Variants in NSUN7 observed in about 807,000 individuals in gnomAD.
The protein encoded by NSUN7 is NOP2/Sun RNA methyltransferase family member 7, also known as protein NSUN7.
A neutral mutation model predicts 58.5 loss-of-function variants in NSUN7; 39 were observed. The ratio of observed to expected loss-of-function variants is 0.67; its 90% CI spans 0.52 to 0.87. NSUN7 has a LOEUF of 0.87. NSUN7 is among the 40% of genes least tolerant of loss of function. The pLI is 0.00. For synonymous variants in NSUN7, 278 were observed against 303.7 expected (o/e 0.92, Z 0.88); for missense variants, 765 against 844.1 (o/e 0.91, Z 1.16).
chr4:40,751,297 T>C (rs1179392122), intron 2 of NSUN7, among the ~76,000 whole-genome samples: 3 of 152,098 alleles, frequency 2.0e-5, no homozygotes, highest in South Asian at 2.1e-4. Context: ...TATTTTTTTT[T>C]CCCTCGTAGA....
chr4:40,790,721 G>T lies in NSUN7; in HGVS notation c.1156G>T (p.Glu386Ter). 6.3e-7 allele frequency: 1 copy of T among 1,580,852 alleles called. No individual in the cohort carries two copies. Among genetic ancestry groups the T allele is most frequent in the South Asian group, 1.2e-5 (1 of 82,238 alleles). Reference protein sequence around the residue: ...CSGLGVSNPVEFILNEHEDTE... With the variant: ...CSGLGVSNPV The stretch of plus-strand genomic sequence containing the variant: ...AGGACTGGGTGTTAGTAATCCAGTA[G>T]AATTTATTTTAAATGAACATGAAGG... The change falls in exon 8 of 12, where the codon GAA (glutamate) becomes TAA (stop). Residue 386 changes from glutamate to a stop codon, truncating the protein, a stop_gained. Transcript: ENST00000381782. LOFTEE classifies it high-confidence loss of function.
chr4:40,807,669 C>T lies in NSUN7; in HGVS notation c.1524+485C>T, dbSNP rs74289104. On this transcript the variant is annotated intron_variant, in intron 11 of 11. Transcript: ENST00000381782. Reference sequence around the variant, plus strand: ...CCAGCCCTGTTCTTTATACTTCCCCCGAGTGTTCCTCTTCTGCCTGGCTGC... The same window carrying T: ...CCAGCCCTGTTCTTTATACTTCCCCTGAGTGTTCCTCTTCTGCCTGGCTGC... 3.8e-3 allele frequency among the ~76,000 whole-genome samples: 578 copies of T among 152,152 alleles called. 4 individuals carry two copies. The highest frequency in any genetic ancestry group is 0.02 in the East Asian group (106 of 5,182).
chr4:40,759,711 C>A (rs1741354687), intron 2 of NSUN7, among the ~76,000 whole-genome samples: 2 of 152,174 alleles, frequency 1.3e-5, no homozygotes, highest in Admixed American at 6.5e-5. Flanking sequence ...AGACCAACAT[C>A]CCTCATGAAC....
At chr4:40,759,064 C>T (rs1741313185) in intron 2 of NSUN7, among the ~76,000 whole-genome samples, 1 of 152,128 alleles carries the variant, frequency 6.6e-6, no homozygotes, top group South Asian at 2.1e-4. Flanking sequence ...AATCCCAGCA[C>T]TTTGGGAGGC....
intron 7 of NSUN7, chr4:40,776,544 TAAG>T (rs773489312): frequency 4.4e-6 from 1 of 226,210 alleles, no homozygotes; most frequent in Non-Finnish European, 8.5e-6. Context: ...ATTTAATAAA[TAAG>T]AATGATTATC....
intron 10 of NSUN7, among the ~76,000 whole-genome samples, chr4:40,800,997 G>A (rs1743553614): frequency 6.8e-6 from 1 of 147,856 alleles, no homozygotes; most frequent in Non-Finnish European, 1.5e-5. Flanking sequence ...AATAAGGAAG[G>A]GAAAGGGAGG....
At position 40,757,247 on chromosome 4, in the gene NSUN7, T is replaced by C. The variant is rs2437328; in HGVS notation, c.299-3187T>C. On this transcript the variant is annotated intron_variant, in intron 2 of 11. Coordinates refer to ENST00000381782, the MANE Select transcript of NSUN7 (RefSeq NM_024677.6). Reference sequence around the variant, plus strand: ...CCATCTCAATAAATAAATAAACAAATAAATAAACAAATAAGTTACAGGAGA... The same window carrying C: ...CCATCTCAATAAATAAATAAACAAACAAATAAACAAATAAGTTACAGGAGA... 4.3e-3 allele frequency among the ~76,000 whole-genome samples: 660 copies of C among 151,980 alleles called. 4 individuals carry two copies. Among genetic ancestry groups the C allele is most frequent in the African/African-American group, 0.015 (630 of 41,506 alleles).
chr4:40,808,075 A>G (rs367548949), intron 11 of NSUN7, among the ~76,000 whole-genome samples: 107 of 145,768 alleles, frequency 7.3e-4, no homozygotes, highest in African/African-American at 2.6e-3. Flanking sequence ...CTTTTTTTCT[A>G]TCAGGTATCA....
intron 7 of NSUN7, 142 bp downstream of exon 7, chr4:40,776,401 C>T (rs1292213840): frequency 1.6e-5 from 9 of 562,430 alleles, no homozygotes; most frequent in Non-Finnish European, 2.4e-5. Flanking sequence ...TAATCTATGT[C>T]TTATCAGGCT....
At position 40,808,968 on chromosome 4, in the gene NSUN7, G is replaced by T; in HGVS notation, c.*29G>T. 1 of 1,472,728 alleles carries T rather than the reference G, an allele frequency of 6.8e-7. No homozygotes were observed. The highest frequency in any genetic ancestry group is 9.0e-7 in the Non-Finnish European group (1 of 1,116,040). 91.2% of individuals were successfully genotyped at this position (1,472,728 alleles called of 1,614,324 possible). A position where few individuals can be genotyped will look rare whatever the true frequency, so the allele number is the denominator to read the frequency against. ...TCTTGTGTTTTTTATAGGGGCCAAA[G>T]AGCAGTTGATTTTTTTTCAAAGTCT... On this transcript the variant is annotated 3_prime_UTR_variant, in exon 12 of 12. Transcript: ENST00000381782.
chr4:40,765,605 C>G lies in NSUN7; in HGVS notation c.488+4304C>G, dbSNP rs1282815814. 3.3e-5 allele frequency among the ~76,000 whole-genome samples: 5 copies of G among 152,128 alleles called. No homozygotes were observed. The South Asian group carries it at 8.3e-4, about 25-fold the overall frequency. On this transcript the variant is annotated intron_variant, in intron 4 of 11. Coordinates refer to ENST00000381782, the MANE Select transcript of NSUN7 (RefSeq NM_024677.6). The stretch of plus-strand genomic sequence containing the variant: ...ATATGAACTTTAAAGTAGTTTTTTC[C>G]AATTATGTGAAGAAAGTCATTGGTA...
Position 40,809,023 on chromosome 4 carries a change from C to T in NSUN7, c.*84C>T. The T allele has an allele frequency of 2.3e-6, 3 of 1,323,452 alleles. No homozygotes were observed. The highest frequency in any genetic ancestry group is 3.0e-6 in the Non-Finnish European group (3 of 997,488). 82.0% of individuals were successfully genotyped at this position (1,323,452 alleles called of 1,614,324 possible). A position where few individuals can be genotyped will look rare whatever the true frequency, so the allele number is the denominator to read the frequency against. ...TTTCTCTGAAGATTCTACATCTCTA[C>T]ACAAGATATTCATTCTTTTGGTCAC... On this transcript the variant is annotated 3_prime_UTR_variant, in exon 12 of 12. Transcript: ENST00000381782.
chr4:40,755,279 C>T lies in NSUN7; in HGVS notation c.298+4288C>T, dbSNP rs1221254011. Among the ~76,000 whole-genome samples, 10 of 152,206 alleles carry T rather than the reference C, an allele frequency of 6.6e-5. No individual in the cohort carries two copies. In the East Asian group the frequency reaches 1.4e-3, roughly 21 times the overall value. ...TAATTTTTTGTATTTTTAGTAGAGA[C>T]GGGGTTTCACCATGTTACCAGGATG... On this transcript the variant is annotated intron_variant, in intron 2 of 11. Coordinates refer to ENST00000381782, the MANE Select transcript of NSUN7 (RefSeq NM_024677.6).
intron 4 of NSUN7, among the ~76,000 whole-genome samples, chr4:40,764,400 A>G (rs1221060699): frequency 6.6e-6 from 1 of 151,818 alleles, no homozygotes; most frequent in South Asian, 2.1e-4. Flanking sequence ...CCCTACAAAG[A>G]ACATGAACTC....
rs1207248966 is a variant in NSUN7, at chr4:40,808,313, C to T, written c.1531C>T (p.Pro511Ser). 3 of 1,606,230 alleles carry T rather than the reference C, an allele frequency of 1.9e-6. No homozygotes were observed. Among genetic ancestry groups the T allele is most frequent in the Non-Finnish European group, 2.6e-6 (3 of 1,175,566 alleles). The change falls in exon 12 of 12, where the codon CCT becomes TCT. Residue 511 changes from proline to serine, a missense_variant. Physicochemically the swap from Pro to Ser is moderately conservative, Grantham distance 74 (BLOSUM62 -1). Transcript: ENST00000381782. ...AATGCTTCTTTAATTGCAGCGGGAC[C>T]CTTCTGAGACAGTGTCTGTGAATGA... ...FLSILTRERDPSETVSVNDVL... is the reference protein window; with the variant it reads ...FLSILTRERDSSETVSVNDVL...
chr4:40,810,824 G>A lies in NSUN7; in HGVS notation c.*1885G>A, dbSNP rs1161581558. On this transcript the variant is annotated 3_prime_UTR_variant, in exon 12 of 12. Coordinates refer to ENST00000381782, the MANE Select transcript of NSUN7 (RefSeq NM_024677.6). ...ACCCAGATTTCTATCTGGTTGGTTA[G>A]GGTAGTCCATGCCTCAAGGAAGGCG... 1.3e-5 allele frequency: 2 copies of A among 152,112 alleles called. No individual in the cohort carries two copies. Among genetic ancestry groups the A allele is most frequent in the African/African-American group, 4.8e-5 (2 of 41,408 alleles). 9.4% of individuals were successfully genotyped at this position (152,112 alleles called of 1,614,324 possible).
At chr4:40,789,259 G>A (rs1292064506) in intron 7 of NSUN7, among the ~76,000 whole-genome samples, 1 of 152,166 alleles carries the variant, frequency 6.6e-6, no homozygotes, top group Non-Finnish European at 1.5e-5. Flanking sequence ...CAGATTGTGG[G>A]AAACTCTGGC....
chr4:40,753,861 G>A (rs966377966), intron 2 of NSUN7, among the ~76,000 whole-genome samples: 27 of 152,204 alleles, frequency 1.8e-4, no homozygotes, highest in Admixed American at 1.2e-3. Context: ...ATAAGGGGGA[G>A]TTTCCCTGCA....
rs537647772 is a variant in NSUN7 at position 40,802,793 on chromosome 4, T to G, written c.1400+3889T>G. ...GTACTGCATTCTATTCTTTTTTTTT[T>G]TTTTTTTAATTAAACTTCAAGTTTC... On this transcript the variant is annotated intron_variant, in intron 10 of 11. Coordinates refer to ENST00000381782, the MANE Select transcript of NSUN7 (RefSeq NM_024677.6). Among the ~76,000 whole-genome samples the G allele has an allele frequency of 3.4e-3, 510 of 151,964 alleles. 3 individuals are homozygous for G. The highest frequency in any genetic ancestry group is 0.012 in the African/African-American group (485 of 41,478).
Sources: gnomAD v4.1 joint callset for allele counts (sites outside exome capture counted in the v4.1 genomes callset) on GRCh38, gnomAD v4.1.1 for gene constraint, MANE v1.5 for transcripts, NCBI Gene and HGNC (gene_info 2026-07-23, HGNC 2026-07-21) for gene names.